The following ARMH3 variants were observed in gnomAD, a reference collection of about 807,000 sequenced individuals.
ARMH3 encodes armadillo like helical domain containing 3, also known as armadillo-like helical domain-containing protein 3.
In ARMH3, 60 loss-of-function variants were observed where a neutral mutation model predicts 99.1. That is an observed-to-expected ratio of 0.61 (90% CI 0.49 to 0.75). The LOEUF (loss-of-function observed/expected upper bound fraction) is 0.75, where lower values mean the gene tolerates loss of function less well. ARMH3 is among the 30% of genes least tolerant of loss of function. ARMH3 has a pLI of 0.00. For missense variants in ARMH3, 679 were observed against 843.1 expected, an observed-to-expected ratio of 0.81 and a Z score of 2.41; for synonymous variants, 285 against 292.8, an observed-to-expected ratio of 0.97 and a Z score of 0.27.
At chr10:101,912,270 G>A (rs1402693912) in intron 23 of ARMH3, among the ~76,000 whole-genome samples, 1 of 151,320 alleles carries the variant, frequency 6.6e-6, no homozygotes, top group African/African-American at 2.4e-5. Flanking sequence ...GTGGGCGCTT[G>A]TAATTCCAGC....
chr10:101,856,879 C>T (rs991415857), intron 24 of ARMH3, among the ~76,000 whole-genome samples: 17 of 152,076 alleles, frequency 1.1e-4, no homozygotes, highest in African/African-American at 3.1e-4. Flanking sequence ...GGGGGCTGGG[C>T]AGGCACTACT....
chr10:101,920,940 T>A (rs1241359225), intron 23 of ARMH3, among the ~76,000 whole-genome samples: 1 of 152,084 alleles, frequency 6.6e-6, no homozygotes, highest in African/African-American at 2.4e-5. Context: ...TCTAAAATAG[T>A]TAAATTTATA....
intron 23 of ARMH3, among the ~76,000 whole-genome samples, chr10:101,915,905 G>A (rs977967249): frequency 6.7e-6 from 1 of 149,528 alleles, no homozygotes; most frequent in African/African-American, 2.5e-5. Flanking sequence ...CCGGGTTCAT[G>A]CCATTCTCCT....
intron 22 of ARMH3, among the ~76,000 whole-genome samples, chr10:101,941,176 G>C (rs1018902807): frequency 6.6e-6 from 1 of 152,166 alleles, no homozygotes; most frequent in Non-Finnish European, 1.5e-5. Flanking sequence ...CATTTATGTA[G>C]AGAAGTAACT....
rs1450164074 is a variant in ARMH3, at chr10:101,847,394, C to T, written c.*134G>A. 9 of 834,974 alleles carry T rather than the reference C, an allele frequency of 1.1e-5. No homozygotes were observed. Among genetic ancestry groups the T allele is most frequent in the Admixed American group, 4.3e-5 (2 of 46,876 alleles). 51.7% of individuals were successfully genotyped at this position (834,974 alleles called of 1,614,324 possible). A position where few individuals can be genotyped will look rare whatever the true frequency, so the allele number is the denominator to read the frequency against. On this transcript the variant is annotated 3_prime_UTR_variant, in exon 26 of 26. Transcript: ENST00000370033. ...CTGCTGCCCAAGCTCCATTGAAGTG[C>T]GGTCTTCACCAAGAGAACTTGGTAT...
At chr10:101,896,475 G>A (rs7911795) in intron 23 of ARMH3, among the ~76,000 whole-genome samples, 4 of 151,988 alleles carry the variant, frequency 2.6e-5, no homozygotes, top group Non-Finnish European at 5.9e-5. Context: ...CTTTCAGGGG[G>A]AACACAATAT....
intron 22 of ARMH3, among the ~76,000 whole-genome samples, chr10:101,955,883 ATAAT>A (rs1845011877): frequency 6.6e-6 from 1 of 152,126 alleles, no homozygotes; most frequent in African/African-American, 2.4e-5. Flanking sequence ...TAAAATTTGT[ATAAT>A]TAAAATGTGT....
intron 24 of ARMH3, among the ~76,000 whole-genome samples, chr10:101,886,754 T>C (rs567877289): frequency 6.6e-6 from 1 of 152,228 alleles, no homozygotes; most frequent in East Asian, 1.9e-4. Context: ...GTTGTCAGAA[T>C]TCAAGAATTC....
Position 101,975,250 on chromosome 10 carries a change from C to T in ARMH3, c.1457G>A (p.Arg486Gln), listed in dbSNP as rs776754137. The change falls in exon 20 of 26, where the codon CGG (arginine) becomes CAG (glutamine). Residue 486 changes from arginine (R) to glutamine (Q), a missense_variant. This residue lies in a region of ARMH3 where 389 missense variants were observed against 456.5 expected (regional missense o/e 0.85). Transcript: ENST00000370033. Reference protein sequence around the residue: ...HKLLCYQKKCRVRLHYTWREL... With the variant: ...HKLLCYQKKCQVRLHYTWREL... ...CCGCCAGGTGTAATGCAGGCGTACCCGACACTTCTTCTGGTAGCAGAGCAG... is the reference window on the plus strand; with the variant it reads ...CCGCCAGGTGTAATGCAGGCGTACCTGACACTTCTTCTGGTAGCAGAGCAG... 2.5e-6 allele frequency: 4 copies of T among 1,612,262 alleles called. No homozygotes were observed. The highest frequency in any genetic ancestry group is 1.7e-6 in the Non-Finnish European group (2 of 1,178,940).
intron 24 of ARMH3, among the ~76,000 whole-genome samples, chr10:101,871,683 C>G (rs769364279): frequency 3.3e-5 from 5 of 152,068 alleles, no homozygotes; most frequent in Non-Finnish European, 5.9e-5. Flanking sequence ...AATGTAAAAG[C>G]CAGAATTACA....
intron 24 of ARMH3, among the ~76,000 whole-genome samples, chr10:101,883,744 C>A (rs1175090234): frequency 6.6e-6 from 1 of 152,088 alleles, no homozygotes; most frequent in Non-Finnish European, 1.5e-5. Flanking sequence ...ATAACCCCAG[C>A]ACTTTGGGAG....
intron 19 of ARMH3, among the ~76,000 whole-genome samples, chr10:101,989,979 G>A (rs1323499291): frequency 2.0e-5 from 3 of 152,138 alleles, no homozygotes; most frequent in Non-Finnish European, 2.9e-5. Flanking sequence ...AGACCCCTGC[G>A]ATCACTATAT....
chr10:101,926,991 T>C (rs1185519036), intron 23 of ARMH3, among the ~76,000 whole-genome samples: 2 of 152,180 alleles, frequency 1.3e-5, no homozygotes, highest in African/African-American at 2.4e-5. Flanking sequence ...GACCCCATTA[T>C]AGAATGAGTC....
intron 15 of ARMH3, among the ~76,000 whole-genome samples, chr10:101,996,417 C>T (rs1847056819): frequency 6.6e-6 from 1 of 152,086 alleles, no homozygotes; most frequent in Non-Finnish European, 1.5e-5. Context: ...GATTACAATC[C>T]ACAAATATAC....
intron 22 of ARMH3, among the ~76,000 whole-genome samples, chr10:101,944,047 G>C (rs1270555939): frequency 7.1e-6 from 1 of 140,844 alleles, no homozygotes; most frequent in Non-Finnish European, 1.5e-5. Flanking sequence ...CTGGGTGACA[G>C]AGCAAGACTC....
At chr10:102,007,435 G>A (rs985376926) in intron 13 of ARMH3, among the ~76,000 whole-genome samples, 1 of 151,352 alleles carries the variant, frequency 6.6e-6, no homozygotes, top group Non-Finnish European at 1.5e-5. Context: ...GATCTCATCA[G>A]ATCAACCTAA....
intron 22 of ARMH3, among the ~76,000 whole-genome samples, chr10:101,941,513 C>T (rs777038483): frequency 6.6e-6 from 1 of 152,198 alleles, no homozygotes; most frequent in African/African-American, 2.4e-5. Flanking sequence ...AGCAGAAGCT[C>T]TATCAGAGGG....
chr10:101,933,702 GA>G (rs201070749), intron 23 of ARMH3, among the ~76,000 whole-genome samples: 4 of 150,160 alleles, frequency 2.7e-5, no homozygotes, highest in Non-Finnish European at 5.9e-5. Flanking sequence ...CTGATTAACA[GA>G]AAAAAAAAGG....
At chr10:102,005,127 G>A (rs1590169446) in intron 14 of ARMH3, among the ~76,000 whole-genome samples, 1 of 152,170 alleles carries the variant, frequency 6.6e-6, no homozygotes, top group African/African-American at 2.4e-5. Flanking sequence ...AACCTGGGAG[G>A]TGGAGGTTGC....
Sources: gnomAD v4.1 joint callset for allele counts (sites outside exome capture counted in the v4.1 genomes callset) on GRCh38, gnomAD v4.1.1 for gene constraint, gnomAD v4.1.1 regional missense constraint, MANE v1.5 for transcripts, NCBI Gene and HGNC (gene_info 2026-07-23, HGNC 2026-07-21) for gene names.